Variants in CNTNAP5 observed in about 807,000 individuals in gnomAD.
CNTNAP5 encodes the protein contactin-associated protein-like 5.
A neutral mutation model predicts 150.2 loss-of-function variants in CNTNAP5; 72 were observed. That is an observed-to-expected ratio of 0.48 (90% CI 0.40 to 0.58). The LOEUF is 0.58. Among genes scored for constraint, CNTNAP5 ranks in the 20% least tolerant of loss-of-function variants. The probability of loss-of-function intolerance (pLI) is 0.00; values close to 1 mark genes in which losing one functional copy is unlikely to be tolerated. For missense variants in CNTNAP5, 1,636 were observed against 1,626.2 expected (o/e 1.01, Z -0.10); for synonymous variants, 672 against 619.8 (o/e 1.08, Z -1.25).
At chr2:124,720,185 T>C (rs1002497978) in intron 13 of CNTNAP5, among the ~76,000 whole-genome samples, 2 of 152,172 alleles carry the variant, frequency 1.3e-5, no homozygotes, top group African/African-American at 4.8e-5. Context: ...TGTGAGACCA[T>C]TCCCATAAAC....
intron 1 of CNTNAP5, among the ~76,000 whole-genome samples, chr2:124,027,033 T>C (rs1247063794): frequency 1.3e-5 from 2 of 152,246 alleles, no homozygotes; most frequent in Non-Finnish European, 2.9e-5. Context: ...TAATGCCTTA[T>C]ACCGATTGTA....
intron 1 of CNTNAP5, among the ~76,000 whole-genome samples, chr2:124,156,865 C>T (rs1180796780): frequency 3.3e-5 from 5 of 152,194 alleles, no homozygotes; most frequent in African/African-American, 1.2e-4. Context: ...CACCAAGTAG[C>T]ATGATCTAGT....
intron 14 of CNTNAP5, among the ~76,000 whole-genome samples, chr2:124,761,002 C>T (rs1032688340): frequency 1.3e-5 from 2 of 152,056 alleles, no homozygotes; most frequent in Non-Finnish European, 2.9e-5. Context: ...CTGATCCCAG[C>T]GACAGGCTTT....
intron 3 of CNTNAP5, among the ~76,000 whole-genome samples, chr2:124,251,994 T>C (rs993032722): frequency 4.6e-5 from 7 of 152,272 alleles, no homozygotes; most frequent in Non-Finnish European, 8.8e-5. Context: ...TATGAAGCAT[T>C]CTGCATGTAG....
At chr2:124,591,982 A>C (rs12468779) in intron 11 of CNTNAP5, among the ~76,000 whole-genome samples, 56,930 of 151,920 alleles carry the variant, frequency 0.37, 12,386 homozygotes, top group South Asian at 0.5. Context: ...CATAGTATAC[A>C]TGCATTGTCT....
intron 3 of CNTNAP5, among the ~76,000 whole-genome samples, chr2:124,390,522 T>C (rs945537342): frequency 2.6e-5 from 4 of 152,194 alleles, no homozygotes; most frequent in African/African-American, 9.7e-5. Flanking sequence ...AATAGAAACA[T>C]ACTGGAAGCA....
intron 19 of CNTNAP5, among the ~76,000 whole-genome samples, chr2:124,828,519 A>G (rs554614696): frequency 6.6e-6 from 1 of 152,116 alleles, no homozygotes; most frequent in East Asian, 1.9e-4. Context: ...ATAAGTTATT[A>G]AGGATGAATG....
At chr2:124,312,223 C>T (rs114460713) in intron 3 of CNTNAP5, among the ~76,000 whole-genome samples, 1 of 152,272 alleles carries the variant, frequency 6.6e-6, no homozygotes, top group African/African-American at 2.4e-5. Context: ...TGTATTTTAA[C>T]AATAAAGTAA....
intron 13 of CNTNAP5, among the ~76,000 whole-genome samples, chr2:124,684,652 C>A (rs1356473642): frequency 6.6e-6 from 1 of 152,178 alleles, no homozygotes; most frequent in Non-Finnish European, 1.5e-5. Context: ...TGAGGAGGAT[C>A]CCACCTTGCG....
intron 2 of CNTNAP5, among the ~76,000 whole-genome samples, chr2:124,232,844 T>C (rs893152994): frequency 6.6e-6 from 1 of 152,178 alleles, no homozygotes; most frequent in African/African-American, 2.4e-5. Context: ...GGTATCTTTA[T>C]TGGTGTGCTT....
chr2:124,630,368 A>G (rs538271646), intron 12 of CNTNAP5, among the ~76,000 whole-genome samples: 18 of 152,344 alleles, frequency 1.2e-4, no homozygotes, highest in Admixed American at 3.3e-4. Flanking sequence ...CAAATAGCTT[A>G]TCCACCACGA....
intron 3 of CNTNAP5, among the ~76,000 whole-genome samples, chr2:124,400,683 T>TTTG (rs1573967970): frequency 2.4e-5 from 3 of 124,622 alleles, no homozygotes; most frequent in East Asian, 2.5e-4. Flanking sequence ...TTTTTTTTTT[T>TTTG]TTTTTGTTTT....
chr2:124,527,334 T>C lies in CNTNAP5; in HGVS notation c.1527T>C (p.Ala509=). Residue 509 remains alanine (A), a synonymous_variant, in exon 10 of 24, where the codon GCT becomes GCC. Coordinates refer to ENST00000682447, the MANE Select transcript of CNTNAP5 (RefSeq NM_001367498.1). ...TDSQCLNPIK[A]FQGCMRLIFI... ...CCCAATGTTTAAATCCCATTAAGGC[T>C]TTCCAAGGCTGCATGAGGCTCATCT... is the stretch of plus-strand genomic sequence containing the variant. 2.5e-6 allele frequency: 4 copies of C among 1,613,796 alleles called. No individual in the cohort carries two copies. The highest frequency in any genetic ancestry group is 1.1e-5 in the South Asian group (1 of 91,080).
intron 1 of CNTNAP5, among the ~76,000 whole-genome samples, chr2:124,172,292 G>T (rs776499927): frequency 6.7e-4 from 102 of 152,222 alleles, no homozygotes; most frequent in Admixed American, 1.2e-3. Flanking sequence ...GATTATAAAA[G>T]TGAGACGTGC....
At chr2:124,368,328 A>C (rs1276285883) in intron 3 of CNTNAP5, among the ~76,000 whole-genome samples, 1 of 152,166 alleles carries the variant, frequency 6.6e-6, no homozygotes, top group Non-Finnish European at 1.5e-5. Context: ...ACAGATCAAA[A>C]CTTCTGTAAT....
intron 1 of CNTNAP5, among the ~76,000 whole-genome samples, chr2:124,209,773 G>T (rs2104722543): frequency 6.6e-6 from 1 of 152,224 alleles, no homozygotes; most frequent in African/African-American, 2.4e-5. Flanking sequence ...CACCGAGCTG[G>T]TCCTCCTAGT....
At chr2:124,737,831 A>G (rs975777503) in intron 13 of CNTNAP5, among the ~76,000 whole-genome samples, 2 of 152,138 alleles carry the variant, frequency 1.3e-5, no homozygotes, top group Admixed American at 6.5e-5. Context: ...TTTTACCTCT[A>G]TCTATGCCTT....
chr2:124,864,570 GTC>G (rs1238719452), intron 19 of CNTNAP5, among the ~76,000 whole-genome samples: 3 of 60,554 alleles, frequency 5.0e-5, no homozygotes, highest in Non-Finnish European at 8.7e-5. Context: ...GTCTCTCTGT[GTC>G]TCACACACAC....
chr2:124,545,397 T>C (rs1355000268), intron 10 of CNTNAP5, among the ~76,000 whole-genome samples: 1 of 152,114 alleles, frequency 6.6e-6, no homozygotes, highest in East Asian at 1.9e-4. Context: ...CCAAGTTCTG[T>C]GACTATTCTT....
Sources: allele counts gnomAD v4.1 joint callset (sites outside exome capture counted in the v4.1 genomes callset), GRCh38; gene constraint gnomAD v4.1.1; transcripts MANE v1.5; gene names NCBI Gene and HGNC (gene_info 2026-07-23, HGNC 2026-07-21).